DGKB: variants seen among roughly 807,000 people sequenced by gnomAD.
The protein encoded by DGKB is diacylglycerol kinase beta, also known as 90 kDa diacylglycerol kinase.
In DGKB, 67 loss-of-function variants were observed where a neutral mutation model predicts 114.3. The ratio of observed to expected loss-of-function variants is 0.59; its 90% CI spans 0.48 to 0.72. The LOEUF (loss-of-function observed/expected upper bound fraction) is 0.72. Ranked by LOEUF, DGKB falls within the 30% of genes least tolerant of loss-of-function variation. The pLI is 0.00. For missense variants in DGKB, 907 were observed against 975.2 expected (o/e 0.93, Z 0.93); for synonymous variants, 398 against 323.1 (o/e 1.23, Z -2.49).
chr7:14,454,796 G>C (rs964499254), intron 21 of DGKB, among the ~76,000 whole-genome samples: 4 of 151,880 alleles, frequency 2.6e-5, no homozygotes, highest in African/African-American at 9.7e-5. Flanking sequence ...AGTAAATTCT[G>C]ATGGGAATAA....
chr7:14,729,300 T>A (rs191501963), intron 5 of DGKB, among the ~76,000 whole-genome samples: 2 of 150,634 alleles, frequency 1.3e-5, no homozygotes, highest in Admixed American at 6.6e-5. Flanking sequence ...TTTTTTGTAT[T>A]TTTAGTAGAG....
chr7:14,967,652 TAA>T lies in DGKB; in HGVS notation c.-188+7042_-188+7043del, dbSNP rs35965873. Among the ~76,000 whole-genome samples the T allele has an allele frequency of 7.7e-4, 78 of 101,012 alleles. 1 individual carries two copies. Among genetic ancestry groups the T allele is most frequent in the African/African-American group, 2.1e-3 (56 of 27,294 alleles). 66.3% of individuals were successfully genotyped at this position (101,012 alleles called of 152,430 possible). ...CTGACTTTACAAGCATGTGATTTAT[TAA>T]AAAAAAAAAAAAAAAAAAAAAGTCT... On this transcript the variant is annotated intron_variant, in intron 1 of 4. Transcript: ENST00000437998.
chr7:14,743,547 G>C (rs922926569), intron 4 of DGKB, among the ~76,000 whole-genome samples: 5 of 152,118 alleles, frequency 3.3e-5, no homozygotes, highest in African/African-American at 7.2e-5. Flanking sequence ...AGGGTCCCTA[G>C]AGCATCTAGA....
At chr7:14,168,139 A>G (rs1784874597) in intron 25 of DGKB, among the ~76,000 whole-genome samples, 1 of 152,226 alleles carries the variant, frequency 6.6e-6, no homozygotes, top group Non-Finnish European at 1.5e-5. Context: ...ATCACTGGAA[A>G]TTTTAAAACT....
At chr7:14,726,687 G>C (rs1830082266) in intron 5 of DGKB, among the ~76,000 whole-genome samples, 1 of 152,190 alleles carries the variant, frequency 6.6e-6, no homozygotes, top group African/African-American at 2.4e-5. Flanking sequence ...TAATATGTTT[G>C]TGAACATGTA....
chr7:14,359,409 C>G (rs1406161265), intron 21 of DGKB, among the ~76,000 whole-genome samples: 1 of 152,122 alleles, frequency 6.6e-6, no homozygotes, highest in Non-Finnish European at 1.5e-5. Context: ...TAGGCATGGG[C>G]AAGGACTTCA....
At chr7:14,575,600 T>A (rs1346474307) in intron 19 of DGKB, among the ~76,000 whole-genome samples, 2 of 152,178 alleles carry the variant, frequency 1.3e-5, no homozygotes, top group Admixed American at 1.3e-4. Context: ...ACATGAGTCC[T>A]AAAACAGAGA....
intron 23 of DGKB, among the ~76,000 whole-genome samples, chr7:14,273,176 C>A (rs542720987): frequency 6.6e-6 from 1 of 151,988 alleles, no homozygotes; most frequent in Admixed American, 6.6e-5. Flanking sequence ...GAAACCCCAA[C>A]TCTACAAAAA....
At chr7:14,660,405 T>A (rs1003794177) in intron 13 of DGKB, among the ~76,000 whole-genome samples, 1 of 152,070 alleles carries the variant, frequency 6.6e-6, no homozygotes, top group Non-Finnish European at 1.5e-5. Context: ...TTGCCACAAT[T>A]TCAGATCCTG....
rs373024607 is a variant in DGKB, at chr7:14,756,575, G to C, written c.147+1080C>G. Among the ~76,000 whole-genome samples the C allele has an allele frequency of 1.8e-4, 27 of 151,958 alleles. No individual in the cohort carries two copies. In the East Asian group the frequency reaches 3.5e-3, roughly 20 times the overall value. ...TTACAGTAATGTACCAGAATGTAGAGAGAATAAGAAAATATGACATGAAAA... is the reference window on the plus strand; with the variant it reads ...TTACAGTAATGTACCAGAATGTAGACAGAATAAGAAAATATGACATGAAAA... On this transcript the variant is annotated intron_variant, in intron 3 of 25. Coordinates refer to ENST00000402815, the MANE Select transcript of DGKB (RefSeq NM_001350709.2).
At chr7:14,264,259 G>A (rs903265075) in intron 23 of DGKB, among the ~76,000 whole-genome samples, 1 of 152,184 alleles carries the variant, frequency 6.6e-6, no homozygotes, top group Non-Finnish European at 1.5e-5. Flanking sequence ...ATAATTCACA[G>A]CTCTTCTTAG....
At chr7:14,862,568 G>A (rs1586985007) in intron 1 of DGKB, among the ~76,000 whole-genome samples, 1 of 152,096 alleles carries the variant, frequency 6.6e-6, no homozygotes, top group African/African-American at 2.4e-5. Context: ...AAGTCACACC[G>A]TTAATAAGCA....
At chr7:14,753,834 G>C in intron 4 of DGKB, 94 bp downstream of exon 4, 1 of 823,146 alleles carries the variant, frequency 1.2e-6, no homozygotes, top group East Asian at 2.7e-5. Context: ...TATTGGTACA[G>C]AAGTATAGTT....
chr7:14,944,751 C>T (rs1587431171), intron 1 of DGKB, among the ~76,000 whole-genome samples: 1 of 151,466 alleles, frequency 6.6e-6, no homozygotes, highest in East Asian at 1.9e-4. Flanking sequence ...CTACAATGTA[C>T]AGGACAGACC....
At chr7:14,944,490 A>G (rs1363830072) in intron 1 of DGKB, among the ~76,000 whole-genome samples, 1 of 151,966 alleles carries the variant, frequency 6.6e-6, no homozygotes, top group Non-Finnish European at 1.5e-5. Context: ...ACAATAAAAA[A>G]TTTTTAGAGA....
chr7:14,464,516 C>A (rs904704802), intron 21 of DGKB, among the ~76,000 whole-genome samples: 14 of 152,250 alleles, frequency 9.2e-5, no homozygotes, highest in African/African-American at 2.9e-4. Context: ...GACTACTAAA[C>A]ATCAGTAAGT....
intron 23 of DGKB, among the ~76,000 whole-genome samples, chr7:14,332,217 G>C (rs1348194252): frequency 6.6e-6 from 1 of 152,094 alleles, no homozygotes; most frequent in African/African-American, 2.4e-5. Flanking sequence ...CATTCTCACA[G>C]TCACCATATG....
intron 20 of DGKB, among the ~76,000 whole-genome samples, chr7:14,563,388 C>T (rs1472674286): frequency 1.3e-5 from 2 of 152,010 alleles, no homozygotes; most frequent in African/African-American, 4.8e-5. Context: ...TGTTTCTTGA[C>T]AAAAAACTTC....
At chr7:14,655,832 C>T (rs1815671762) in intron 13 of DGKB, among the ~76,000 whole-genome samples, 2 of 151,356 alleles carry the variant, frequency 1.3e-5, no homozygotes, top group South Asian at 4.2e-4. Flanking sequence ...AAAAATTGAG[C>T]TCATGAAATA....
Sources: allele counts gnomAD v4.1 joint callset (sites outside exome capture counted in the v4.1 genomes callset), GRCh38; gene constraint gnomAD v4.1.1; transcripts MANE v1.5; gene names NCBI Gene and HGNC (gene_info 2026-07-23, HGNC 2026-07-21).